TSHZ2: variants seen among roughly 807,000 people sequenced by gnomAD.
The protein encoded by TSHZ2 is teashirt homolog 2.
A neutral mutation model predicts 74.4 loss-of-function variants in TSHZ2; 21 were observed. That is an observed-to-expected ratio of 0.28 (90% CI 0.20 to 0.41). TSHZ2 has a LOEUF of 0.41. Among genes scored for constraint, TSHZ2 ranks in the 10% least tolerant of loss-of-function variants. The pLI is 1.00. For missense variants in TSHZ2, 1,244 were observed against 1,293.5 expected, an observed-to-expected ratio of 0.96 and a Z score of 0.59; for synonymous variants, 540 against 515.3, an observed-to-expected ratio of 1.05 and a Z score of -0.65.
rs3222593 is a variant in TSHZ2, at chr20:53,380,139, A to AGTGTGTGT, written c.*9-106987_*9-106980dup. 2.1e-4 allele frequency among the ~76,000 whole-genome samples: 31 copies of AGTGTGTGT among 149,520 alleles called. No homozygotes were observed. In the East Asian group the frequency reaches 4.3e-3, roughly 21 times the overall value. On this transcript the variant is annotated intron_variant, in intron 2 of 2. Coordinates refer to ENST00000371497, the MANE Select transcript of TSHZ2 (RefSeq NM_173485.6). ...TGAGCTTGAAGGTTGATGGTTGGAGAGTGTGTGTGTGTGTGTGTGTGTGTG... is the reference window on the plus strand; with the variant it reads ...TGAGCTTGAAGGTTGATGGTTGGAGAGTGTGTGTGTGTGTGTGTGTGTGTGTGTGTGTG...
intron 1 of TSHZ2, among the ~76,000 whole-genome samples, chr20:53,226,667 A>G (rs1004057480): frequency 2.0e-5 from 3 of 152,122 alleles, no homozygotes; most frequent in Non-Finnish European, 4.4e-5. Context: ...TGTATTTAGA[A>G]CAGGATTTCT....
chr20:53,452,514 G>T (rs934730914), intron 2 of TSHZ2, among the ~76,000 whole-genome samples: 7 of 151,328 alleles, frequency 4.6e-5, no homozygotes, highest in African/African-American at 1.7e-4. Flanking sequence ...GCAGAGAATT[G>T]CTTGAACCTG....
intron 1 of TSHZ2, among the ~76,000 whole-genome samples, chr20:53,113,886 A>G (rs1986599272): frequency 6.6e-6 from 1 of 152,002 alleles, no homozygotes; most frequent in Admixed American, 6.6e-5. Context: ...TCTGGTTTTC[A>G]CTCAGCAGTG....
chr20:53,375,284 T>C (rs1981621246), intron 2 of TSHZ2, among the ~76,000 whole-genome samples: 1 of 152,230 alleles, frequency 6.6e-6, no homozygotes, highest in African/African-American at 2.4e-5. Flanking sequence ...CTTATCTGCA[T>C]GCATATGAAA....
chr20:53,017,922 C>T (rs911884859), intron 1 of TSHZ2, among the ~76,000 whole-genome samples: 3 of 152,088 alleles, frequency 2.0e-5, no homozygotes, highest in African/African-American at 4.8e-5. Flanking sequence ...TTGGTATTTT[C>T]GGCTACTGAT....
intron 2 of TSHZ2, among the ~76,000 whole-genome samples, chr20:53,436,819 GGGATTACAGGTGT>G (rs1439866533): frequency 2.0e-5 from 3 of 151,916 alleles, no homozygotes; most frequent in Non-Finnish European, 4.4e-5. Context: ...CCAAGGTGCT[GGGATTACAGGTGT>G]GAGCCATTCC....
intron 2 of TSHZ2, among the ~76,000 whole-genome samples, chr20:53,316,025 A>G (rs1252359161): frequency 6.6e-6 from 1 of 152,202 alleles, no homozygotes; most frequent in African/African-American, 2.4e-5. Context: ...AATGGAAGCT[A>G]GTGGGTTCAA....
At chr20:53,052,961 C>T (rs932408455) in intron 1 of TSHZ2, among the ~76,000 whole-genome samples, 10 of 152,260 alleles carry the variant, frequency 6.6e-5, no homozygotes, top group South Asian at 2.1e-4. Flanking sequence ...GCTGTGCAAC[C>T]GTCGTCGCGG....
intron 1 of TSHZ2, among the ~76,000 whole-genome samples, chr20:53,094,512 C>T (rs999273017): frequency 7.9e-5 from 12 of 152,120 alleles, no homozygotes; most frequent in South Asian, 2.1e-4. Flanking sequence ...ACATTTTCCC[C>T]TCCAGAGATC....
chr20:53,019,859 T>C (rs1236360272), intron 1 of TSHZ2, among the ~76,000 whole-genome samples: 1 of 152,150 alleles, frequency 6.6e-6, no homozygotes, highest in African/African-American at 2.4e-5. Context: ...ATCACTCTCT[T>C]CCTGTATTAG....
At chr20:53,251,995 A>G (rs1380577480) in intron 1 of TSHZ2, among the ~76,000 whole-genome samples, 1 of 152,216 alleles carries the variant, frequency 6.6e-6, no homozygotes, top group African/African-American at 2.4e-5. Flanking sequence ...GAATTTCCTT[A>G]CCTTAAAGCC....
chr20:53,193,194 A>G (rs950118213), intron 1 of TSHZ2, among the ~76,000 whole-genome samples: 2 of 152,084 alleles, frequency 1.3e-5, no homozygotes, highest in African/African-American at 2.4e-5. Context: ...AAAAGAAAAA[A>G]AAAACACCAC....
Position 53,255,906 on chromosome 20 carries a change from C to A in TSHZ2, c.2448C>A (p.Val816=), listed in dbSNP as rs552622643. ...CAAAGCCAGCCTCCTCCTCCAGGGTCCCCCCCATGAAGCTGGAAATGGATG... is the reference window on the plus strand; with the variant it reads ...CAAAGCCAGCCTCCTCCTCCAGGGTACCCCCCATGAAGCTGGAAATGGATG... ...TTPKPASSSR[V]PPMKLEMDVR... Residue 816 remains valine, a synonymous_variant, in exon 2 of 3, where the codon GTC becomes GTA. Coordinates refer to ENST00000371497, the MANE Select transcript of TSHZ2 (RefSeq NM_173485.6). The surrounding 1 kb of genome is among the most constrained non-coding windows in gnomAD (Gnocchi z 4.1). The A allele has an allele frequency of 1.2e-6, 2 of 1,613,744 alleles. No homozygotes were observed. Among genetic ancestry groups the A allele is most frequent in the African/African-American group, 2.7e-5 (2 of 75,020 alleles).
intron 1 of TSHZ2, among the ~76,000 whole-genome samples, chr20:53,188,249 TA>T (rs1266609485): frequency 3.9e-5 from 6 of 152,196 alleles, no homozygotes; most frequent in Admixed American, 2.6e-4. Flanking sequence ...TATCATTACA[TA>T]AATGGTACAA....
chr20:53,073,394 A>G (rs1165915283), intron 1 of TSHZ2, among the ~76,000 whole-genome samples: 1 of 148,450 alleles, frequency 6.7e-6, no homozygotes, highest in Non-Finnish European at 1.5e-5. Context: ...TCATCATTTA[A>G]TCCATTCATC....
chr20:53,316,589 G>T (rs1460943396), intron 2 of TSHZ2, among the ~76,000 whole-genome samples: 2 of 106,398 alleles, frequency 1.9e-5, no homozygotes, highest in African/African-American at 3.2e-5. Context: ...GTTTAAAAAT[G>T]ACAAAAAAAA....
At chr20:53,223,056 G>C (rs753270504) in intron 1 of TSHZ2, among the ~76,000 whole-genome samples, 35 of 152,128 alleles carry the variant, frequency 2.3e-4, no homozygotes, top group Non-Finnish European at 4.7e-4. Flanking sequence ...AGTATCTACA[G>C]GAGGCTGGTG....
At chr20:53,362,006 A>C (rs368239827) in intron 2 of TSHZ2, among the ~76,000 whole-genome samples, 6 of 146,524 alleles carry the variant, frequency 4.1e-5, no homozygotes, top group African/African-American at 1.3e-4. Context: ...TGCAACCTCC[A>C]CCTCCCAGAT....
At chr20:53,163,830 C>G (rs929804031) in intron 1 of TSHZ2, among the ~76,000 whole-genome samples, 1 of 152,204 alleles carries the variant, frequency 6.6e-6, no homozygotes, top group African/African-American at 2.4e-5. Context: ...TCCTAAACCA[C>G]AGAAACTGTG....
Sources: gnomAD v4.1 joint callset for allele counts (sites outside exome capture counted in the v4.1 genomes callset) on GRCh38, gnomAD v4.1.1 for gene constraint, Gnocchi (gnomAD v3.1) non-coding constraint, MANE v1.5 for transcripts, NCBI Gene and HGNC (gene_info 2026-07-23, HGNC 2026-07-21) for gene names.